Variants in FAM168A observed in about 807,000 individuals in gnomAD.
FAM168A encodes family with sequence similarity 168 member A, also known as protein FAM168A.
Under a neutral mutation model 28.5 loss-of-function variants are expected in FAM168A, and 3 were observed. The observed-to-expected ratio is 0.11, with a 90% CI of 0.05 to 0.27. The LOEUF is 0.27. Among genes scored for constraint, FAM168A ranks in the 10% least tolerant of loss-of-function variants. The probability of loss-of-function intolerance (pLI) is 1.00; values close to 1 mark genes in which losing one functional copy is unlikely to be tolerated. For missense variants in FAM168A, 222 were observed against 311.5 expected, an observed-to-expected ratio of 0.71 and a Z score of 2.16; for synonymous variants, 122 against 124.2, an observed-to-expected ratio of 0.98 and a Z score of 0.12.
intron 1 of FAM168A, among the ~76,000 whole-genome samples, chr11:73,482,761 CAG>C (rs371779816): frequency 1.1e-3 from 172 of 152,126 alleles, no homozygotes; most frequent in African/African-American, 3.9e-3. Context: ...TCTTTTGAGA[CAG>C]AGTCTCGCTC....
At chr11:73,576,030 G>A (rs1944169457) in intron 1 of FAM168A, among the ~76,000 whole-genome samples, 1 of 152,124 alleles carries the variant, frequency 6.6e-6, no homozygotes, top group South Asian at 2.1e-4. Context: ...TGGGTTGTTT[G>A]GTGTCATGGA....
chr11:73,497,429 C>T (rs532854643), intron 1 of FAM168A, among the ~76,000 whole-genome samples: 1 of 151,500 alleles, frequency 6.6e-6, no homozygotes, highest in African/African-American at 2.4e-5. Flanking sequence ...AGCCTGGCGA[C>T]AGAGAGTGAC....
chr11:73,451,274 G>C (rs985653152), intron 2 of FAM168A, among the ~76,000 whole-genome samples: 4 of 152,204 alleles, frequency 2.6e-5, no homozygotes, highest in African/African-American at 9.7e-5. Context: ...CACTGGCTTA[G>C]AGCTAAATGT....
intron 1 of FAM168A, chr11:73,580,412 G>A (rs1944229224): frequency 1.6e-6 from 1 of 618,806 alleles, no homozygotes; most frequent in Non-Finnish European, 3.1e-6. Context: ...GGTACCCAAA[G>A]GGAAAAAGGG....
At chr11:73,544,442 G>A (rs959365737) in intron 1 of FAM168A, among the ~76,000 whole-genome samples, 2 of 151,644 alleles carry the variant, frequency 1.3e-5, no homozygotes, top group African/African-American at 2.4e-5. Context: ...ATACCCAAGA[G>A]AAATAAGAAA....
intron 1 of FAM168A, among the ~76,000 whole-genome samples, chr11:73,575,833 C>A (rs1349139129): frequency 6.6e-6 from 1 of 151,830 alleles, no homozygotes; most frequent in Non-Finnish European, 1.5e-5. Context: ...CGTGCCACTG[C>A]ACTCCAGCCT....
intron 1 of FAM168A, among the ~76,000 whole-genome samples, chr11:73,579,667 T>C (rs1391909506): frequency 6.6e-6 from 1 of 152,222 alleles, no homozygotes; most frequent in African/African-American, 2.4e-5. Context: ...TTTTAACTGA[T>C]AAAAGCTAGT....
At chr11:73,511,671 G>T (rs1855229426) in intron 1 of FAM168A, among the ~76,000 whole-genome samples, 1 of 152,072 alleles carries the variant, frequency 6.6e-6, no homozygotes, top group South Asian at 2.1e-4. Flanking sequence ...AAAAACACAG[G>T]TTTTGCACCT....
chr11:73,494,461 T>C (rs553709089), intron 1 of FAM168A, among the ~76,000 whole-genome samples: 1 of 152,284 alleles, frequency 6.6e-6, no homozygotes, highest in Admixed American at 6.5e-5. Context: ...TTCCAAGCGG[T>C]TGACACTCTG....
intron 2 of FAM168A, 122 bp downstream of exon 2, chr11:73,468,283 T>G: frequency 2.5e-6 from 2 of 807,990 alleles, no homozygotes; most frequent in Non-Finnish European, 3.9e-6. Flanking sequence ...CAGACATATC[T>G]TCTGCATGTT....
At chr11:73,548,649 T>TTG (rs922979167) in intron 1 of FAM168A, among the ~76,000 whole-genome samples, 2 of 152,214 alleles carry the variant, frequency 1.3e-5, no homozygotes, top group African/African-American at 4.8e-5. Context: ...TTTGATTTTT[T>TTG]TGTGTGTGTG....
intron 5 of FAM168A, 67 bp from the exon 6 acceptor site, chr11:73,409,728 C>T (rs1014859983): frequency 1.1e-5 from 17 of 1,495,354 alleles, no homozygotes; most frequent in Non-Finnish European, 1.4e-5. Flanking sequence ...GAGAGCAGCA[C>T]TGGCTGAAGG....
chr11:73,585,328 C>A (rs1022747192), intron 1 of FAM168A, among the ~76,000 whole-genome samples: 5 of 152,190 alleles, frequency 3.3e-5, no homozygotes, highest in African/African-American at 4.8e-5. Flanking sequence ...TCAATCCTCA[C>A]AACTACATAG....
At chr11:73,471,911 C>T (rs560640466) in intron 1 of FAM168A, among the ~76,000 whole-genome samples, 29 of 152,242 alleles carry the variant, frequency 1.9e-4, no homozygotes, top group South Asian at 1.7e-3. Flanking sequence ...CCAGTCCATT[C>T]CATGGCCTGC....
intron 1 of FAM168A, among the ~76,000 whole-genome samples, chr11:73,554,226 T>G (rs1032157573): frequency 1.3e-5 from 2 of 151,618 alleles, no homozygotes; most frequent in African/African-American, 4.8e-5. Context: ...AACAAAATTT[T>G]AAATTAGCTG....
At chr11:73,430,556 C>T (rs1252405388) in intron 3 of FAM168A, 134 bp downstream of exon 3, 2 of 791,650 alleles carry the variant, frequency 2.5e-6, no homozygotes, top group Non-Finnish European at 4.4e-6. Context: ...AAGGGACTCC[C>T]AGGAAAATCC....
At chr11:73,422,787 C>T (rs968226662) in intron 3 of FAM168A, among the ~76,000 whole-genome samples, 6 of 151,422 alleles carry the variant, frequency 4.0e-5, no homozygotes, top group Non-Finnish European at 8.8e-5. Context: ...CTCAATTAAA[C>T]GAGAGAGAGA....
intron 1 of FAM168A, among the ~76,000 whole-genome samples, chr11:73,569,366 C>T (rs1944059216): frequency 1.3e-5 from 2 of 152,148 alleles, no homozygotes; most frequent in Non-Finnish European, 2.9e-5. Flanking sequence ...CGGTCTTATC[C>T]ACCTTCAAGT....
chr11:73,510,932 A>G, intron 1 of FAM168A: 2 of 246,266 alleles, frequency 8.1e-6, no homozygotes, highest in Admixed American at 1.1e-4. Context: ...TTGAAGCCAG[A>G]TGATGAATGC....
Sources: allele counts gnomAD v4.1 joint callset (sites outside exome capture counted in the v4.1 genomes callset), GRCh38; gene constraint gnomAD v4.1.1; transcripts MANE v1.5; gene names NCBI Gene and HGNC (gene_info 2026-07-23, HGNC 2026-07-21).